STK33: variants seen among roughly 807,000 people sequenced by gnomAD.
STK33 encodes the protein serine/threonine-protein kinase 33.
STK33 carries 52 observed loss-of-function variants against 58.0 expected under a neutral mutation model. The observed-to-expected ratio is 0.90, with a 90% confidence interval of 0.72 to 1.13. The LOEUF (loss-of-function observed/expected upper bound fraction) is 1.13. Ranked by LOEUF, STK33 falls within the 50% of genes most tolerant of loss-of-function variation. The pLI, the probability that STK33 is intolerant of heterozygous loss-of-function variation, is 0.00. For missense variants in STK33, 630 were observed against 604.2 expected, an observed-to-expected ratio of 1.04 and a Z score of -0.45; for synonymous variants, 215 against 200.1, an observed-to-expected ratio of 1.07 and a Z score of -0.63.
intron 1 of STK33, among the ~76,000 whole-genome samples, chr11:8,501,490 T>G (rs753011618): frequency 3.9e-5 from 6 of 152,156 alleles, no homozygotes; most frequent in Admixed American, 2.0e-4. Flanking sequence ...AGATATCACT[T>G]CACATTCACT....
At chr11:8,398,781 T>A (rs1359013604) in intron 15 of STK33, among the ~76,000 whole-genome samples, 22 of 117,786 alleles carry the variant, frequency 1.9e-4, no homozygotes, top group African/African-American at 4.7e-4. Context: ...ACCAAGCAAA[T>A]GGAAAACAAA....
At chr11:8,392,832 C>G in intron 15 of STK33, 122 bp from the exon 16 acceptor site, 1 of 803,014 alleles carries the variant, frequency 1.2e-6, no homozygotes, top group Non-Finnish European at 2.0e-6. Flanking sequence ...ATATAGGGTC[C>G]AAACTAGTCA....
Position 8,425,335 on chromosome 11 carries a change from AG to A in STK33, c.1146+10158del, listed in dbSNP as rs1158060222. 3.3e-5 allele frequency among the ~76,000 whole-genome samples: 5 copies of A among 152,260 alleles called. No homozygotes were observed. In the East Asian group the frequency reaches 5.8e-4, roughly 18 times the overall value. ...ACTTCTGAGGGCTCTGTTCTGTTCC[AG>A]TGGTCTACATCTCTGTTTTGCTACC... On this transcript the variant is annotated intron_variant, in intron 14 of 15. Coordinates refer to ENST00000687296, the MANE Select transcript of STK33 (RefSeq NM_001352389.2).
intron 1 of STK33, among the ~76,000 whole-genome samples, chr11:8,499,269 GAACA>G (rs1451504850): frequency 2.0e-5 from 3 of 152,144 alleles, no homozygotes; most frequent in Non-Finnish European, 2.9e-5. Flanking sequence ...CAAGGGATAT[GAACA>G]GACACTTCTC....
At chr11:8,459,945 G>C (rs1477391558) in intron 8 of STK33, among the ~76,000 whole-genome samples, 2 of 152,230 alleles carry the variant, frequency 1.3e-5, no homozygotes, top group East Asian at 3.8e-4. Context: ...AGGAACAGCT[G>C]TGTTCCCATG....
At chr11:8,562,653 CAATT>C (rs1382595179) in intron 1 of STK33, among the ~76,000 whole-genome samples, 1 of 151,908 alleles carries the variant, frequency 6.6e-6, no homozygotes, top group African/African-American at 2.4e-5. Flanking sequence ...TGTTGATTCT[CAATT>C]AGTTTCATGA....
intron 1 of STK33, among the ~76,000 whole-genome samples, chr11:8,536,972 A>AATTTT (rs1565305538): frequency 1.7e-4 from 11 of 65,728 alleles, no homozygotes; most frequent in Non-Finnish European, 1.5e-4. Context: ...AAAAAAAAAG[A>AATTTT]TTTTTTTTTT....
At chr11:8,563,097 C>G (rs189616550) in intron 1 of STK33, among the ~76,000 whole-genome samples, 1 of 152,050 alleles carries the variant, frequency 6.6e-6, no homozygotes, top group Non-Finnish European at 1.5e-5. Flanking sequence ...TCACTTAAGT[C>G]GCCTCCCATA....
chr11:8,439,976 G>A (rs1239479842), intron 12 of STK33, among the ~76,000 whole-genome samples: 7 of 149,550 alleles, frequency 4.7e-5, no homozygotes, highest in African/African-American at 2.5e-5. Flanking sequence ...TGGCAGCAAC[G>A]TGAAGGACAA....
At chr11:8,432,046 A>C (rs1943483961) in intron 14 of STK33, among the ~76,000 whole-genome samples, 2 of 152,206 alleles carry the variant, frequency 1.3e-5, no homozygotes, top group Non-Finnish European at 2.9e-5. Context: ...ACCACGTCTT[A>C]CGTGGCTTTA....
chr11:8,431,063 C>T (rs1943369019), intron 14 of STK33, among the ~76,000 whole-genome samples: 1 of 151,976 alleles, frequency 6.6e-6, no homozygotes, highest in Non-Finnish European at 1.5e-5. Flanking sequence ...GATGGGGTTT[C>T]ACCATATTGG....
intron 1 of STK33, among the ~76,000 whole-genome samples, chr11:8,487,971 T>G (rs957590584): frequency 6.6e-6 from 1 of 152,226 alleles, no homozygotes; most frequent in Non-Finnish European, 1.5e-5. Flanking sequence ...CTGACTCCCT[T>G]ATCTCCACAA....
chr11:8,352,701 C>T, the STK33 span, among the ~76,000 whole-genome samples: 1 of 152,168 alleles, frequency 6.6e-6, no homozygotes, highest in Non-Finnish European at 1.5e-5. Flanking sequence ...CATTTTGCCA[C>T]ATAAGTATGG....
intron 14 of STK33, among the ~76,000 whole-genome samples, chr11:8,429,346 A>G (rs1003144833): frequency 6.6e-6 from 1 of 152,204 alleles, no homozygotes; most frequent in African/African-American, 2.4e-5. Context: ...TTCAAGCATA[A>G]AAGTTTGAAC....
At chr11:8,506,343 T>TAC (rs1951861202) in intron 1 of STK33, among the ~76,000 whole-genome samples, 1 of 152,198 alleles carries the variant, frequency 6.6e-6, no homozygotes, top group Non-Finnish European at 1.5e-5. Flanking sequence ...ATTTGGGCAG[T>TAC]ACTAAAGAGC....
At chr11:8,357,398 A>T in the STK33 span, among the ~76,000 whole-genome samples, 1 of 152,262 alleles carries the variant, frequency 6.6e-6, no homozygotes, top group Non-Finnish European at 1.5e-5. Flanking sequence ...AGCTGGTCGC[A>T]GCCCCGCGGG....
chr11:8,552,407 A>G (rs1956363556), intron 1 of STK33, among the ~76,000 whole-genome samples: 1 of 151,660 alleles, frequency 6.6e-6, no homozygotes, highest in Non-Finnish European at 1.5e-5. Context: ...GGCTGACATC[A>G]CCTTGCTTTC....
intron 1 of STK33, among the ~76,000 whole-genome samples, chr11:8,588,793 CATAAAG>C (rs959408545): frequency 6.6e-6 from 1 of 152,082 alleles, no homozygotes; most frequent in Non-Finnish European, 1.5e-5. Flanking sequence ...ATCCGGACTA[CATAAAG>C]AACTCTTACA....
chr11:8,464,716 T>C lies in STK33; in HGVS notation c.446A>G (p.Lys149Arg). 1 of 1,612,162 alleles carries C rather than the reference T, an allele frequency of 6.2e-7. No individual in the cohort carries two copies. Among genetic ancestry groups the C allele is most frequent in the Non-Finnish European group, 8.5e-7 (1 of 1,178,312 alleles). Residue 149 changes from lysine (K) to arginine (R), a missense_variant, in exon 7 of 16, where the codon AAA becomes AGA. By Grantham distance (26) the Lys-to-Arg change is conservative. Coordinates refer to ENST00000687296, the MANE Select transcript of STK33 (RefSeq NM_001352389.2). The part of the protein sequence containing the change: ...ETKWAIKKVN[K>R]EKAGSSAVKL... ...GCTGCTAATGAGCCTTACCTTTTCT[T>C]TGTTCACTTTTTTAATTGCCCACTT...
Sources: allele counts gnomAD v4.1 joint callset (sites outside exome capture counted in the v4.1 genomes callset), GRCh38; gene constraint gnomAD v4.1.1; transcripts MANE v1.5; gene names NCBI Gene and HGNC (gene_info 2026-07-23, HGNC 2026-07-21).